RBFOX1: variants seen among roughly 807,000 people sequenced by gnomAD.
The protein encoded by RBFOX1 is RNA binding protein fox-1 homolog 1.
A neutral mutation model predicts 57.7 loss-of-function variants in RBFOX1; 8 were observed. The ratio of observed to expected loss-of-function variants is 0.14; its 90% CI spans 0.08 to 0.25. The LOEUF is 0.25. Ranked by LOEUF, RBFOX1 falls within the 10% of genes least tolerant of loss-of-function variation. The pLI, the probability that RBFOX1 is intolerant of heterozygous loss-of-function variation, is 1.00. For synonymous variants in RBFOX1, 326 were observed against 222.4 expected (o/e 1.47, Z -4.15); for missense variants, 611 against 548.5 (o/e 1.11, Z -1.14).
chr16:6,339,905 C>A (rs1025982095), intron 2 of RBFOX1, among the ~76,000 whole-genome samples: 18 of 151,956 alleles, frequency 1.2e-4, no homozygotes, highest in Non-Finnish European at 2.6e-4. Context: ...TCTTGAACTC[C>A]AGACCTCATG....
At chr16:7,146,437 C>G (rs1028458270) in intron 4 of RBFOX1, among the ~76,000 whole-genome samples, 1 of 152,176 alleles carries the variant, frequency 6.6e-6, no homozygotes, top group Non-Finnish European at 1.5e-5. Flanking sequence ...AGCTCTGTCA[C>G]CCCCACTGAG....
intron 2 of RBFOX1, among the ~76,000 whole-genome samples, chr16:6,329,621 C>T (rs1599695050): frequency 1.3e-5 from 2 of 152,146 alleles, no homozygotes; most frequent in Admixed American, 1.3e-4. Context: ...GTTATATTTA[C>T]AACTCCACTT....
At chr16:6,665,107 A>C (rs2098723589) in intron 3 of RBFOX1, among the ~76,000 whole-genome samples, 2 of 152,234 alleles carry the variant, frequency 1.3e-5, no homozygotes, top group South Asian at 2.1e-4. Flanking sequence ...CTGGTACTTT[A>C]ATTTCACCAG....
chr16:5,730,958 C>T (rs2052346628), intron 3 of RBFOX1, among the ~76,000 whole-genome samples: 1 of 148,584 alleles, frequency 6.7e-6, no homozygotes, highest in East Asian at 1.9e-4. Context: ...TCAGTATCAC[C>T]ACCGTCATCA....
intron 4 of RBFOX1, among the ~76,000 whole-genome samples, chr16:7,418,933 C>T (rs1568778122): frequency 6.6e-6 from 1 of 151,978 alleles, no homozygotes; most frequent in African/African-American, 2.4e-5. Flanking sequence ...GAGAAAGGGT[C>T]TCAGTCTGTC....
intron 4 of RBFOX1, among the ~76,000 whole-genome samples, chr16:7,192,379 A>C (rs536093860): frequency 6.6e-6 from 1 of 152,184 alleles, no homozygotes; most frequent in South Asian, 2.1e-4. Context: ...GCTTCTCTGA[A>C]TCCTAGTAGT....
intron 4 of RBFOX1, among the ~76,000 whole-genome samples, chr16:7,226,153 A>G (rs1014380865): frequency 9.9e-5 from 15 of 152,084 alleles, no homozygotes; most frequent in Admixed American, 9.2e-4. Flanking sequence ...CTCCTTTACA[A>G]TCATGAAAGG....
At chr16:6,575,125 C>T (rs2097412012) in intron 2 of RBFOX1, among the ~76,000 whole-genome samples, 1 of 151,480 alleles carries the variant, frequency 6.6e-6, no homozygotes, top group Non-Finnish European at 1.5e-5. Flanking sequence ...CCCCGCAAGG[C>T]GACAGGACAG....
At chr16:7,085,768 A>G (rs1427617247) in intron 4 of RBFOX1, among the ~76,000 whole-genome samples, 2 of 152,126 alleles carry the variant, frequency 1.3e-5, no homozygotes, top group African/African-American at 4.8e-5. Flanking sequence ...CACTGTAATG[A>G]CAGAGTGTGT....
chr16:6,339,025 A>C (rs2084155230), intron 2 of RBFOX1, among the ~76,000 whole-genome samples: 1 of 152,206 alleles, frequency 6.6e-6, no homozygotes, highest in Non-Finnish European at 1.5e-5. Context: ...AGACTTAGAC[A>C]ATTAGATAGA....
chr16:7,131,269 C>A (rs1174003651), intron 4 of RBFOX1, among the ~76,000 whole-genome samples: 1 of 149,948 alleles, frequency 6.7e-6, no homozygotes, highest in Non-Finnish European at 1.5e-5. Context: ...TTGCTTCGAC[C>A]TGGGAAGCGG....
At chr16:7,554,377 A>G (rs2087614594) in intron 5 of RBFOX1, among the ~76,000 whole-genome samples, 1 of 152,190 alleles carries the variant, frequency 6.6e-6, no homozygotes. Context: ...GTAAAAGTCC[A>G]TTTTAGTCAT....
intron 4 of RBFOX1, among the ~76,000 whole-genome samples, chr16:7,187,419 G>C (rs542242161): frequency 3.3e-4 from 50 of 151,912 alleles, no homozygotes; most frequent in Admixed American, 5.2e-4. Context: ...GCCAGGCACG[G>C]TGGCTCACGC....
rs79351471 is a variant in RBFOX1, at chr16:6,392,935, A to G, written c.-64+75878A>G. Among the ~76,000 whole-genome samples the G allele has an allele frequency of 1.9e-3, 282 of 152,366 alleles. 4 individuals are homozygous for G. The East Asian group carries it at 0.039, about 21-fold the overall frequency. ...TATGACCCACCCTCTTCTGCCATGA[A>G]TGAACAATGGACTGAAGTCTTTCAT... On this transcript the variant is annotated intron_variant, in intron 2 of 15. Coordinates refer to ENST00000550418, the MANE Select transcript of RBFOX1 (RefSeq NM_018723.4).
intron 2 of RBFOX1, among the ~76,000 whole-genome samples, chr16:6,340,715 C>T (rs1470338604): frequency 6.6e-6 from 1 of 152,110 alleles, no homozygotes; most frequent in African/African-American, 2.4e-5. Context: ...TGAGCAAGGT[C>T]TTTATGACCT....
intron 3 of RBFOX1, among the ~76,000 whole-genome samples, chr16:6,668,531 A>G (rs371946958): frequency 3.9e-5 from 6 of 152,224 alleles, no homozygotes; most frequent in African/African-American, 1.2e-4. Context: ...CTTAAAGATA[A>G]TTTAGCAAAT....
chr16:5,875,532 A>G (rs971631301), intron 4 of RBFOX1, among the ~76,000 whole-genome samples: 4 of 152,230 alleles, frequency 2.6e-5, no homozygotes, highest in Admixed American at 1.3e-4. Context: ...ACAGAAGGCA[A>G]TAAGCATATT....
At chr16:7,255,780 CAA>C (rs2094653030) in intron 4 of RBFOX1, among the ~76,000 whole-genome samples, 1 of 152,078 alleles carries the variant, frequency 6.6e-6, no homozygotes, top group African/African-American at 2.4e-5. Flanking sequence ...GAAATATTAA[CAA>C]TATATTTTAC....
intron 1 of RBFOX1, among the ~76,000 whole-genome samples, chr16:6,188,515 A>G (rs2097121923): frequency 1.3e-5 from 2 of 152,144 alleles, no homozygotes; most frequent in African/African-American, 4.8e-5. Context: ...CAGACAACGC[A>G]AAGAGGTGTA....
Sources: allele counts gnomAD v4.1 joint callset (sites outside exome capture counted in the v4.1 genomes callset), GRCh38; gene constraint gnomAD v4.1.1; transcripts MANE v1.5; gene names NCBI Gene and HGNC (gene_info 2026-07-23, HGNC 2026-07-21).